BAIAP2L1: variants seen among roughly 807,000 people sequenced by gnomAD.
The protein encoded by BAIAP2L1 is BAR/IMD domain-containing adapter protein 2-like 1.
A neutral mutation model predicts 66.3 loss-of-function variants in BAIAP2L1; 35 were observed. The ratio of observed to expected loss-of-function variants is 0.53; its 90% confidence interval spans 0.40 to 0.70. The LOEUF (loss-of-function observed/expected upper bound fraction) is 0.70. BAIAP2L1 is among the 30% of genes least tolerant of loss of function. The pLI is 0.00. For synonymous variants in BAIAP2L1, 269 were observed against 248.7 expected (o/e 1.08, Z -0.77); for missense variants, 622 against 656.9 (o/e 0.95, Z 0.58).
At chr7:98,302,799 T>G (rs904734096) in intron 12 of BAIAP2L1, among the ~76,000 whole-genome samples, 1 of 152,186 alleles carries the variant, frequency 6.6e-6, no homozygotes, top group African/African-American at 2.4e-5. Flanking sequence ...CCATTTTTCT[T>G]TTTTTATGAG....
intron 3 of BAIAP2L1, among the ~76,000 whole-genome samples, chr7:98,332,642 T>G (rs1443107798): frequency 2.7e-5 from 4 of 150,798 alleles, no homozygotes; most frequent in Non-Finnish European, 4.4e-5. Context: ...ACCCCATCCC[T>G]ACTAAAAATA....
chr7:98,354,744 C>T (rs1301205304), intron 3 of BAIAP2L1, among the ~76,000 whole-genome samples: 1 of 152,178 alleles, frequency 6.6e-6, no homozygotes, highest in African/African-American at 2.4e-5. Flanking sequence ...GCTCGCCCAT[C>T]AGGAATGTAG....
Position 98,355,022 on chromosome 7 carries a change from TA to T in BAIAP2L1, c.214+19del. The T allele has an allele frequency of 6.3e-7, 1 of 1,593,808 alleles. No homozygotes were observed. The highest frequency in any genetic ancestry group is 8.6e-7 in the Non-Finnish European group (1 of 1,161,536). ...CAGGATGACAAGTGGGGTTTATGTATAAAGGGACAGATCGCTCACCCAGTTC... is the reference window on the plus strand; with the variant it reads ...CAGGATGACAAGTGGGGTTTATGTATAAGGGACAGATCGCTCACCCAGTTC... On this transcript the variant is annotated intron_variant, in intron 3 of 13. Coordinates refer to ENST00000005260, the MANE Select transcript of BAIAP2L1 (RefSeq NM_018842.5).
intron 12 of BAIAP2L1, among the ~76,000 whole-genome samples, chr7:98,297,002 C>T (rs1800219375): frequency 6.6e-6 from 1 of 152,248 alleles, no homozygotes; most frequent in Non-Finnish European, 1.5e-5. Context: ...CCACAGGCAG[C>T]ACTGCCACCG....
intron 3 of BAIAP2L1, among the ~76,000 whole-genome samples, chr7:98,351,522 T>G (rs746129448): frequency 2.6e-5 from 4 of 152,046 alleles, no homozygotes; most frequent in Non-Finnish European, 5.9e-5. Context: ...GGGCAAAGGT[T>G]GTCAGCACAC....
intron 7 of BAIAP2L1, among the ~76,000 whole-genome samples, chr7:98,313,259 C>A (rs974502432): frequency 1.3e-5 from 2 of 151,998 alleles, no homozygotes; most frequent in African/African-American, 4.8e-5. Flanking sequence ...TTAAGGGAAG[C>A]CACAAAACCA....
intron 1 of BAIAP2L1, among the ~76,000 whole-genome samples, chr7:98,363,300 G>T (rs539406774): frequency 6.6e-6 from 1 of 152,082 alleles, no homozygotes; most frequent in Non-Finnish European, 1.5e-5. Context: ...CTCCCAAAAT[G>T]CTGGGATTAC....
At chr7:98,295,065 G>C (rs1417226725) in intron 12 of BAIAP2L1, among the ~76,000 whole-genome samples, 1 of 152,226 alleles carries the variant, frequency 6.6e-6, no homozygotes, top group African/African-American at 2.4e-5. Flanking sequence ...GACAGCCCCA[G>C]GAAGCGTCCC....
At chr7:98,301,849 G>A (rs957383190) in intron 12 of BAIAP2L1, among the ~76,000 whole-genome samples, 10 of 152,264 alleles carry the variant, frequency 6.6e-5, no homozygotes, top group African/African-American at 2.2e-4. Flanking sequence ...CAGCTCAGGT[G>A]GGAAGGGTGG....
intron 3 of BAIAP2L1, 41 bp from the exon 4 acceptor site, chr7:98,320,339 T>G (rs761666974): frequency 6.8e-7 from 1 of 1,475,596 alleles, no homozygotes; most frequent in Non-Finnish European, 9.3e-7. Context: ...AGCCATTGCG[T>G]ATTTTTTTGT....
At chr7:98,335,065 A>G (rs1801582405) in intron 3 of BAIAP2L1, among the ~76,000 whole-genome samples, 1 of 147,608 alleles carries the variant, frequency 6.8e-6, no homozygotes, top group South Asian at 2.2e-4. Flanking sequence ...AGGCAGGAGA[A>G]TGGTGTGAAC....
intron 1 of BAIAP2L1, among the ~76,000 whole-genome samples, chr7:98,376,261 T>TG (rs144912685): frequency 0.034 from 5,170 of 151,986 alleles, 275 homozygotes; most frequent in African/African-American, 0.11. Flanking sequence ...CCCAGCACTT[T>TG]GGGGGGCTGA....
intron 1 of BAIAP2L1, among the ~76,000 whole-genome samples, chr7:98,399,079 T>G (rs758736153): frequency 6.6e-6 from 1 of 152,202 alleles, no homozygotes; most frequent in African/African-American, 2.4e-5. Context: ...ACTTGGTCAG[T>G]ACCCCACACC....
chr7:98,342,789 TC>T (rs1445146311), intron 3 of BAIAP2L1, among the ~76,000 whole-genome samples: 1 of 152,184 alleles, frequency 6.6e-6, no homozygotes, highest in Non-Finnish European at 1.5e-5. Flanking sequence ...CAAAACATTT[TC>T]CCCTTACCAT....
At chr7:98,310,678 A>G in intron 8 of BAIAP2L1, 86 bp from the exon 9 acceptor site, 1 of 925,088 alleles carries the variant, frequency 1.1e-6, no homozygotes, top group South Asian at 2.1e-5. Context: ...TTTTTTTTAA[A>G]TAATAGGCTA....
At chr7:98,305,142 C>T (rs1051503528) in intron 11 of BAIAP2L1, among the ~76,000 whole-genome samples, 12 of 148,446 alleles carry the variant, frequency 8.1e-5, no homozygotes, top group African/African-American at 2.8e-4. Flanking sequence ...CTGCCCGCCT[C>T]GGCCTCCCAA....
chr7:98,386,644 C>T (rs929069708), intron 1 of BAIAP2L1: 2 of 1,105,282 alleles, frequency 1.8e-6, no homozygotes, highest in Non-Finnish European at 2.5e-6. Flanking sequence ...TTTCCGAGAA[C>T]TTTTTTTTGT....
At chr7:98,342,279 T>C (rs766695900) in intron 3 of BAIAP2L1, among the ~76,000 whole-genome samples, 13 of 152,088 alleles carry the variant, frequency 8.5e-5, no homozygotes, top group Non-Finnish European at 1.8e-4. Flanking sequence ...CTCAAACTCC[T>C]GGCCTCAGGT....
chr7:98,400,845 C>A lies in BAIAP2L1; in HGVS notation c.8G>T (p.Arg3Leu), dbSNP rs1173422706. The change falls in exon 1 of 14, where the codon CGG (arginine) becomes CTG (leucine). Residue 3 changes from arginine (R) to leucine (L), a missense_variant. Physicochemically the swap from Arg to Leu is moderately radical, Grantham distance 102 (BLOSUM62 -2). Coordinates refer to ENST00000005260, the MANE Select transcript of BAIAP2L1 (RefSeq NM_018842.5). MS[R>L]GPEEVNRLTE... is the part of the protein sequence containing the mutation. ...GAGCCGGTTCACCTCCTCGGGCCCC[C>A]GGGACATGGCTGCGGCCGCCGGGCG... 6.5e-7 allele frequency: 1 copy of A among 1,541,828 alleles called. No homozygotes were observed. Among genetic ancestry groups the A allele is most frequent in the Non-Finnish European group, 8.7e-7 (1 of 1,142,992 alleles).
Sources: gnomAD v4.1 joint callset for allele counts (sites outside exome capture counted in the v4.1 genomes callset) on GRCh38, gnomAD v4.1.1 for gene constraint, MANE v1.5 for transcripts, NCBI Gene and HGNC (gene_info 2026-07-23, HGNC 2026-07-21) for gene names.